The following KIF21A variants were observed in gnomAD, a reference collection of about 807,000 sequenced individuals.
KIF21A encodes kinesin-like protein KIF21A.
In KIF21A, 114 loss-of-function variants were observed where a neutral mutation model predicts 202.9. That is an observed-to-expected ratio of 0.56 (90% confidence interval 0.48 to 0.66). The LOEUF (loss-of-function observed/expected upper bound fraction) is 0.66, where lower values mean the gene tolerates loss of function less well. Among genes scored for constraint, KIF21A ranks in the 30% least tolerant of loss-of-function variants. The pLI, the probability that KIF21A is intolerant of heterozygous loss-of-function variation, is 0.00. For synonymous variants in KIF21A, 667 were observed against 670.8 expected (o/e 0.99, Z 0.09); for missense variants, 1,677 against 1,994.9 (o/e 0.84, Z 3.04).
chr12:39,343,774 A>G (rs1217078024), intron 12 of KIF21A, among the ~76,000 whole-genome samples: 1 of 152,138 alleles, frequency 6.6e-6, no homozygotes, highest in Non-Finnish European at 1.5e-5. Context: ...TTCCTAAGGG[A>G]AGGGATCGTG....
intron 31 of KIF21A, among the ~76,000 whole-genome samples, chr12:39,313,538 T>C (rs930238890): frequency 6.6e-6 from 1 of 151,848 alleles, no homozygotes; most frequent in African/African-American, 2.4e-5. Context: ...GAGTAAAGTA[T>C]TTCCACAGGT....
chr12:39,416,190 C>T (rs930772207), intron 1 of KIF21A, among the ~76,000 whole-genome samples: 1 of 152,116 alleles, frequency 6.6e-6, no homozygotes, highest in Non-Finnish European at 1.5e-5. Flanking sequence ...AAAAAGGCAA[C>T]ACCTGGCCCT....
chr12:39,422,402 G>A (rs1201853030), intron 1 of KIF21A, among the ~76,000 whole-genome samples: 5 of 152,160 alleles, frequency 3.3e-5, no homozygotes, highest in Non-Finnish European at 7.3e-5. Flanking sequence ...GCTGCCAAAA[G>A]CAGCTGTACT....
At chr12:39,372,976 T>A (rs946475647) in intron 1 of KIF21A, among the ~76,000 whole-genome samples, 2 of 152,174 alleles carry the variant, frequency 1.3e-5, no homozygotes, top group African/African-American at 4.8e-5. Context: ...CCCACCAAGT[T>A]ATTTCCTCCC....
intron 16 of KIF21A, among the ~76,000 whole-genome samples, chr12:39,338,580 T>G (rs975170379): frequency 6.6e-6 from 1 of 152,196 alleles, no homozygotes; most frequent in African/African-American, 2.4e-5. Context: ...CTTACAGTCC[T>G]GCAAACTCCC....
rs1215328758 is a variant in KIF21A at position 39,301,681 on chromosome 12, TAAA to T, written c.4732-5_4732-3del. 8.7e-6 allele frequency: 14 copies of T among 1,613,588 alleles called. No homozygotes were observed. The highest frequency in any genetic ancestry group is 1.3e-5 in the African/African-American group (1 of 74,888). On this transcript the variant is annotated splice_region_variant and splice_polypyrimidine_tract_variant and intron_variant, in intron 36 of 37. Transcript: ENST00000361418. ...ATCCTTATGTGCATTTGGAACTTGCTAAAAGAAAAAAAGTGAAATCAGCAGCTT... is the reference window on the plus strand; with the variant it reads ...ATCCTTATGTGCATTTGGAACTTGCTAGAAAAAAAGTGAAATCAGCAGCTT...
intron 1 of KIF21A, among the ~76,000 whole-genome samples, chr12:39,380,261 C>T (rs1328689673): frequency 1.3e-5 from 2 of 152,252 alleles, no homozygotes; most frequent in Non-Finnish European, 2.9e-5. Context: ...AGCCACCGCT[C>T]CCGGCCTAAC....
In KIF21A at chr12:39,332,612, T is replaced by C. The variant is rs763006664; in HGVS notation, c.2835A>G (p.Ala945=). 6.3e-5 allele frequency: 102 copies of C among 1,614,008 alleles called. 1 individual carries two copies. The South Asian group carries it at 9.8e-4, about 15-fold the overall frequency. Residue 945 remains alanine, a synonymous_variant, in exon 20 of 38, where the codon GCA becomes GCG. Coordinates refer to ENST00000361418, the MANE Select transcript of KIF21A (RefSeq NM_001173464.2). ...MQKMTISNME[A]DMNRLLKQRE... Reference sequence around the variant, plus strand: ...ACACCTTGAGGAGTCTATTCATATCTGCCTCCATGTTGGAAATGGTCATCT... The same window carrying C: ...ACACCTTGAGGAGTCTATTCATATCCGCCTCCATGTTGGAAATGGTCATCT...
At chr12:39,328,602 A>G (rs544915645) in intron 24 of KIF21A, among the ~76,000 whole-genome samples, 1 of 152,316 alleles carries the variant, frequency 6.6e-6, no homozygotes, top group Non-Finnish European at 1.5e-5. Context: ...AAAGGCTACA[A>G]AAGTACAACC....
At chr12:39,410,383 A>G (rs1330452295) in intron 1 of KIF21A, among the ~76,000 whole-genome samples, 2 of 149,662 alleles carry the variant, frequency 1.3e-5, no homozygotes, top group Admixed American at 6.6e-5. Context: ...AAAAGAAGAA[A>G]ATATGAAACT....
Position 39,366,453 on chromosome 12 carries a change from G to T in KIF21A, c.800C>A (p.Thr267Asn), listed in dbSNP as rs1592362966. 1 of 1,613,610 alleles carries T rather than the reference G, an allele frequency of 6.2e-7. No individual in the cohort carries two copies. The highest frequency in any genetic ancestry group is 8.5e-7 in the Non-Finnish European group (1 of 1,179,592). ...GAGATCAACAAAATGGAACTTTGCA[G>T]TCAGGGTTTCAAATTCATTCATCTG... ...SAQMNEFETL[T>N]AKFHFVDLAG... The change falls in exon 6 of 38, where the codon ACT becomes AAT. Residue 267 changes from threonine (T) to asparagine (N), a missense_variant. By Grantham distance (65) the Thr-to-Asn change is moderately conservative. Around this residue, in one of 3 missense-constraint regions of KIF21A, gnomAD observed 966 missense variants for 1,180.9 expected, o/e 0.82. Coordinates refer to ENST00000361418, the MANE Select transcript of KIF21A (RefSeq NM_001173464.2).
In KIF21A at chr12:39,416,778, CAT is replaced by C. The variant is rs1187737992; in HGVS notation, c.44+26147_44+26148del. 2.0e-4 allele frequency among the ~76,000 whole-genome samples: 22 copies of C among 108,914 alleles called. 1 individual carries two copies. Among genetic ancestry groups the C allele is most frequent in the Admixed American group, 6.5e-4 (7 of 10,738 alleles). The allele number at this position is 108,914 out of a possible 152,430, so 71.5% of individuals were successfully genotyped here. On this transcript the variant is annotated intron_variant, in intron 1 of 37. Transcript: ENST00000361418. ...ATATATATGTGTATATATATATGTA[CAT>C]ATATATGTGTATATATATGTACATA...
intron 1 of KIF21A, among the ~76,000 whole-genome samples, chr12:39,436,713 G>C (rs1420280640): frequency 1.3e-5 from 2 of 150,212 alleles, no homozygotes; most frequent in Non-Finnish European, 3.0e-5. Flanking sequence ...ATAATTGTAT[G>C]GTATCATGAA....
At chr12:39,301,805 A>G in intron 36 of KIF21A, 126 bp from the exon 37 acceptor site, 1 of 812,700 alleles carries the variant, frequency 1.2e-6, no homozygotes, top group Non-Finnish European at 2.1e-6. Flanking sequence ...GAGAAAGTTT[A>G]TTTTCTATGC....
intron 10 of KIF21A, among the ~76,000 whole-genome samples, chr12:39,355,602 A>G (rs941928564): frequency 6.6e-6 from 1 of 151,414 alleles, no homozygotes; most frequent in Non-Finnish European, 1.5e-5. Flanking sequence ...GGCAGGGAAC[A>G]GTACTCTCAA....
intron 1 of KIF21A, among the ~76,000 whole-genome samples, chr12:39,416,739 A>ATATATACGTACATATATATGTG: frequency 1.3e-5 from 1 of 78,778 alleles, no homozygotes; most frequent in African/African-American, 8.4e-5. Flanking sequence ...ATATATGTGT[A>ATATATACGTACATATATATGTG]TATATATATG....
At chr12:39,317,830 G>A (rs1231513606) in intron 29 of KIF21A, among the ~76,000 whole-genome samples, 5 of 152,150 alleles carry the variant, frequency 3.3e-5, no homozygotes, top group Non-Finnish European at 7.3e-5. Flanking sequence ...GAAAAGGCAA[G>A]ACAAGTGCTG....
At chr12:39,376,052 A>C (rs1950251217) in intron 1 of KIF21A, among the ~76,000 whole-genome samples, 1 of 152,114 alleles carries the variant, frequency 6.6e-6, no homozygotes. Flanking sequence ...TAAAGAATGC[A>C]TGATTTACTC....
intron 16 of KIF21A, among the ~76,000 whole-genome samples, chr12:39,338,320 C>T (rs904371593): frequency 2.6e-5 from 4 of 151,996 alleles, no homozygotes; most frequent in African/African-American, 7.2e-5. Flanking sequence ...TATTTTTGTA[C>T]GGCTATACAG....
Sources: allele counts gnomAD v4.1 joint callset (sites outside exome capture counted in the v4.1 genomes callset), GRCh38; gene constraint gnomAD v4.1.1; regional missense constraint gnomAD v4.1.1; transcripts MANE v1.5; gene names NCBI Gene and HGNC (gene_info 2026-07-23, HGNC 2026-07-21).